The following ADAM23 variants were observed in gnomAD, a reference collection of about 807,000 sequenced individuals.
The protein encoded by ADAM23 is disintegrin and metalloproteinase domain-containing protein 23.
Under a neutral mutation model 120.1 loss-of-function variants are expected in ADAM23, and 33 were observed. The observed-to-expected ratio is 0.27, with a 90% CI of 0.21 to 0.37. The LOEUF is 0.37. ADAM23 is among the 10% of genes least tolerant of loss of function. The pLI is 1.00. For synonymous variants in ADAM23, 367 were observed against 375.2 expected, an observed-to-expected ratio of 0.98 and a Z score of 0.25; for missense variants, 862 against 1,058.2, an observed-to-expected ratio of 0.81 and a Z score of 2.57.
chr2:206,602,202 G>A (rs952525484), intron 24 of ADAM23, among the ~76,000 whole-genome samples: 3 of 151,984 alleles, frequency 2.0e-5, no homozygotes, highest in Non-Finnish European at 4.4e-5. Flanking sequence ...ATAACCCAAG[G>A]ATATATCAAG....
At chr2:206,447,656 ACTTG>A (rs1695109549) in intron 2 of ADAM23, among the ~76,000 whole-genome samples, 1 of 152,216 alleles carries the variant, frequency 6.6e-6, no homozygotes, top group Admixed American at 6.5e-5. Context: ...GATGAGAGAC[ACTTG>A]CCAGTTCTGC....
Position 206,559,939 on chromosome 2 carries a change from T to C in ADAM23, c.1006-16T>C. 6.2e-7 allele frequency: 1 copy of C among 1,604,576 alleles called. No individual in the cohort carries two copies. The highest frequency in any genetic ancestry group is 8.5e-7 in the Non-Finnish European group (1 of 1,174,926). On this transcript the variant is annotated splice_polypyrimidine_tract_variant and intron_variant, in intron 10 of 25. Transcript: ENST00000264377. ...CAGTGTTTTCCTCCTGCACCTGTCC[T>C]GTTGTATACCCTCAGATTTACAAGG...
intron 3 of ADAM23, among the ~76,000 whole-genome samples, chr2:206,493,053 G>A (rs1388696679): frequency 6.6e-6 from 1 of 152,000 alleles, no homozygotes; most frequent in Non-Finnish European, 1.5e-5. Flanking sequence ...ATAAAGTAAG[G>A]GCTTGACATC....
At chr2:206,607,919 A>T in intron 24 of ADAM23, 1 of 425,142 alleles carries the variant, frequency 2.4e-6, no homozygotes, top group Non-Finnish European at 4.6e-6. Flanking sequence ...ATAAGTCAGG[A>T]ATCATTTTTC....
At chr2:206,584,212 G>C (rs1698275976) in intron 18 of ADAM23, among the ~76,000 whole-genome samples, 1 of 152,194 alleles carries the variant, frequency 6.6e-6, no homozygotes, top group African/African-American at 2.4e-5. Context: ...TATGTGAACT[G>C]TCTGCGAGTC....
Position 206,573,109 on chromosome 2 carries a change from T to G in ADAM23, c.1657-6T>G, listed in dbSNP as rs765147465. 10 of 1,613,798 alleles carry G rather than the reference T, an allele frequency of 6.2e-6. No homozygotes were observed. In the Admixed American group the frequency reaches 1.7e-4, roughly 27 times the overall value. ...CTAACTCTTAATATTGAATTTTGAT[T>G]TGCAGTTTCAGCCACGAGGGTATGA... On this transcript the variant is annotated splice_polypyrimidine_tract_variant and splice_region_variant and intron_variant, in intron 17 of 25. Transcript: ENST00000264377.
At chr2:206,564,021 C>T (rs1025772389) in intron 13 of ADAM23, among the ~76,000 whole-genome samples, 1 of 152,096 alleles carries the variant, frequency 6.6e-6, no homozygotes. Flanking sequence ...TGAGCCACTG[C>T]GCCCGGCCTA....
At chr2:206,542,243 C>A in intron 5 of ADAM23, 109 bp downstream of exon 5, 3 of 1,065,908 alleles carry the variant, frequency 2.8e-6, no homozygotes, top group East Asian at 2.5e-5. Flanking sequence ...TTAGGGACTG[C>A]ATGTGGAGTG....
At chr2:206,447,047 A>G (rs1294307215) in intron 2 of ADAM23, among the ~76,000 whole-genome samples, 1 of 152,212 alleles carries the variant, frequency 6.6e-6, no homozygotes, top group Non-Finnish European at 1.5e-5. Flanking sequence ...GTTTCAAAGA[A>G]TGCTCAAGCC....
chr2:206,499,901 G>A (rs1696352147), intron 3 of ADAM23, among the ~76,000 whole-genome samples: 1 of 152,050 alleles, frequency 6.6e-6, no homozygotes, highest in African/African-American at 2.4e-5. Context: ...TTCAATAAAA[G>A]CAGTTTGAGA....
chr2:206,556,872 C>T (rs773915779), intron 9 of ADAM23, among the ~76,000 whole-genome samples: 11 of 152,088 alleles, frequency 7.2e-5, no homozygotes, highest in Admixed American at 5.2e-4. Context: ...AAAGCACTGA[C>T]AAAGACATTT....
intron 3 of ADAM23, among the ~76,000 whole-genome samples, chr2:206,515,415 C>T (rs1303346480): frequency 6.6e-6 from 1 of 152,086 alleles, no homozygotes; most frequent in African/African-American, 2.4e-5. Context: ...TGGTGGCACG[C>T]TCCATGAGAT....
chr2:206,547,253 A>T (rs931924749), intron 6 of ADAM23, among the ~76,000 whole-genome samples, 176 bp from the exon 7 acceptor site: 2 of 152,160 alleles, frequency 1.3e-5, no homozygotes, highest in Non-Finnish European at 1.5e-5. Context: ...ATTAGATGAT[A>T]CTCTTTTATT....
Position 206,445,302 on chromosome 2 carries a change from A to T in ADAM23, c.215-5A>T. 6.2e-7 allele frequency: 1 copy of T among 1,611,180 alleles called. No homozygotes were observed. The highest frequency in any genetic ancestry group is 8.5e-7 in the Non-Finnish European group (1 of 1,178,198). On this transcript the variant is annotated splice_polypyrimidine_tract_variant and splice_region_variant and intron_variant, in intron 1 of 25. Coordinates refer to ENST00000264377, the MANE Select transcript of ADAM23 (RefSeq NM_003812.4). The stretch of plus-strand genomic sequence containing the variant: ...TCTGCTCCCCCACCCCCCTACCTCC[A>T]CCAGCTCCGCATTGGAATGAAACTG...
chr2:206,515,291 G>A (rs1269379373), intron 3 of ADAM23, among the ~76,000 whole-genome samples: 1 of 152,130 alleles, frequency 6.6e-6, no homozygotes, highest in Admixed American at 6.6e-5. Context: ...CGGCAGTTTT[G>A]GTGATTGAAA....
chr2:206,548,481 CAAT>C, intron 8 of ADAM23, 127 bp downstream of exon 8: 1 of 848,216 alleles, frequency 1.2e-6, no homozygotes. Context: ...AAAATGAAAA[CAAT>C]AAACAAAAAA....
At chr2:206,571,590 T>C (rs749006702) in intron 16 of ADAM23, 137 bp from the exon 17 acceptor site, 2 of 588,180 alleles carry the variant, frequency 3.4e-6, no homozygotes, top group Non-Finnish European at 6.1e-6. Context: ...TTGTTTAAAG[T>C]AATTAATTCT....
chr2:206,511,886 A>G (rs2105900820), intron 3 of ADAM23, among the ~76,000 whole-genome samples: 1 of 152,352 alleles, frequency 6.6e-6, no homozygotes, highest in African/African-American at 2.4e-5. Flanking sequence ...AGTCTAAGAC[A>G]GAAAATGAGA....
intron 9 of ADAM23, among the ~76,000 whole-genome samples, chr2:206,555,383 C>T (rs546559364): frequency 6.6e-6 from 1 of 152,222 alleles, no homozygotes; most frequent in South Asian, 2.1e-4. Flanking sequence ...ATACATCATC[C>T]AGTCGTGGGA....
Sources: gnomAD v4.1 joint callset for allele counts (sites outside exome capture counted in the v4.1 genomes callset) on GRCh38, gnomAD v4.1.1 for gene constraint, MANE v1.5 for transcripts, NCBI Gene and HGNC (gene_info 2026-07-23, HGNC 2026-07-21) for gene names.